The following CDH26 variants were observed in gnomAD, a reference collection of about 807,000 sequenced individuals.
The protein encoded by CDH26 is cadherin-like protein 26.
Under a neutral mutation model 90.3 loss-of-function variants are expected in CDH26, and 83 were observed. The observed-to-expected ratio is 0.92, with a 90% CI of 0.77 to 1.10. The LOEUF (loss-of-function observed/expected upper bound fraction) is 1.10, where lower values mean the gene tolerates loss of function less well. Among genes scored for constraint, CDH26 ranks in the 50% least tolerant of loss-of-function variants. The pLI is 0.00. For missense variants in CDH26, 1,013 were observed against 1,037.6 expected (o/e 0.98, Z 0.33); for synonymous variants, 397 against 396.3 (o/e 1.00, Z -0.02).
chr20:59,990,508 G>A (rs571138350), intron 9 of CDH26, among the ~76,000 whole-genome samples: 15 of 152,220 alleles, frequency 9.9e-5, no homozygotes, highest in Middle Eastern at 6.8e-3. Context: ...TCTCCTTACA[G>A]CAACACTTCT....
intron 3 of CDH26, 36 bp from the exon 4 acceptor site, chr20:59,971,926 C>G: frequency 6.4e-7 from 1 of 1,567,344 alleles, no homozygotes; most frequent in Non-Finnish European, 8.7e-7. Flanking sequence ...TATTCTCATC[C>G]TCCTTTTTTC....
At chr20:59,989,550 A>AAAAG (rs1216739700) in intron 9 of CDH26, among the ~76,000 whole-genome samples, 2 of 151,560 alleles carry the variant, frequency 1.3e-5, no homozygotes, top group African/African-American at 4.8e-5. Context: ...AAAAAAAAAA[A>AAAAG]AAAGAAAAGA....
At chr20:60,005,477 T>C (rs1430984892) in intron 16 of CDH26, among the ~76,000 whole-genome samples, 2 of 146,246 alleles carry the variant, frequency 1.4e-5, no homozygotes, top group African/African-American at 5.3e-5. Flanking sequence ...TGTGTATATA[T>C]CTGTATGTAT....
chr20:59,996,505 T>C (rs985717041), intron 12 of CDH26, 126 bp from the exon 13 acceptor site: 21 of 1,613,282 alleles, frequency 1.3e-5, no homozygotes, highest in Non-Finnish European at 1.8e-5. Context: ...GCTACACAGA[T>C]GACTAAGACG....
chr20:60,011,036 C>T (rs1022779098), intron 17 of CDH26, among the ~76,000 whole-genome samples: 15 of 152,168 alleles, frequency 9.9e-5, no homozygotes, highest in Non-Finnish European at 1.8e-4. Context: ...GTGATCTTGC[C>T]GGGTGACCAG....
chr20:59,996,466 G>C, intron 12 of CDH26, 165 bp from the exon 13 acceptor site: 1 of 1,606,928 alleles, frequency 6.2e-7, no homozygotes, highest in Non-Finnish European at 8.5e-7. Flanking sequence ...AGCATCTACT[G>C]GTACCCTGGA....
At chr20:59,966,231 T>TAAAAA (rs60088029) in intron 1 of CDH26, among the ~76,000 whole-genome samples, 2 of 76,250 alleles carry the variant, frequency 2.6e-5, no homozygotes, top group African/African-American at 6.3e-5. Flanking sequence ...GGTGTTGCAT[T>TAAAAA]AAAAAAAAAA....
chr20:59,982,819 A>G (rs1421431625), intron 4 of CDH26, 104 bp from the exon 5 acceptor site: 8 of 1,333,292 alleles, frequency 6.0e-6, no homozygotes, highest in Non-Finnish European at 8.4e-6. Context: ...CTCTCAGTCT[A>G]GAGGAGGAGA....
chr20:59,981,945 T>A (rs1157264170), intron 4 of CDH26, among the ~76,000 whole-genome samples: 2 of 152,112 alleles, frequency 1.3e-5, no homozygotes, highest in South Asian at 2.1e-4. Context: ...TTTAAAAAAA[T>A]ATATAGGACT....
intron 1 of CDH26, among the ~76,000 whole-genome samples, chr20:59,968,316 C>T (rs1353138889): frequency 2.0e-5 from 3 of 151,980 alleles, no homozygotes; most frequent in Admixed American, 6.6e-5. Flanking sequence ...TAGTTGCTCT[C>T]GAACTCCTGA....
At chr20:60,016,667 G>T (rs900165222), downstream of CDH26, among the ~76,000 whole-genome samples, 10 of 151,936 alleles carry the variant, frequency 6.6e-5, no homozygotes, top group African/African-American at 2.4e-4. Context: ...CAAGAAGAGA[G>T]AGTGGGCACC....
At chr20:60,004,203 T>A (rs2061712169) in intron 16 of CDH26, among the ~76,000 whole-genome samples, 1 of 152,202 alleles carries the variant, frequency 6.6e-6, no homozygotes, top group Non-Finnish European at 1.5e-5. Flanking sequence ...CAGCTTACCT[T>A]GGTATGATGT....
intron 16 of CDH26, 86 bp from the exon 17 acceptor site, chr20:60,006,627 T>G: frequency 1.1e-6 from 1 of 927,006 alleles, no homozygotes; most frequent in Non-Finnish European, 1.8e-6. Flanking sequence ...GTGTGCCCCA[T>G]CTATGCTGGG....
At chr20:60,035,695 G>A (rs1003160956), downstream of CDH26, among the ~76,000 whole-genome samples, 3 of 152,252 alleles carry the variant, frequency 2.0e-5, no homozygotes, top group East Asian at 5.8e-4. Context: ...TTGAGGGAGG[G>A]AGGTGATTGG....
At chr20:60,027,347 C>T (rs1241399402) in intron 7 of CDH26, among the ~76,000 whole-genome samples, 3 of 152,132 alleles carry the variant, frequency 2.0e-5, no homozygotes, top group Admixed American at 6.5e-5. Context: ...GTCATGCATA[C>T]CTATCATCTA....
chr20:59,976,561 C>A (rs1393899353), intron 4 of CDH26, among the ~76,000 whole-genome samples: 1 of 152,140 alleles, frequency 6.6e-6, no homozygotes, highest in Non-Finnish European at 1.5e-5. Flanking sequence ...GATTAAGGAG[C>A]AAAGAGTTGC....
At chr20:59,985,159 A>T (rs370675080) in intron 7 of CDH26, 30 bp downstream of exon 7, 7 of 1,611,484 alleles carry the variant, frequency 4.3e-6, no homozygotes, top group Non-Finnish European at 5.9e-6. Context: ...CCAACGTCTA[A>T]GCCCCAAAAC....
chr20:60,002,940 A>C (rs1455632177), intron 16 of CDH26, 74 bp downstream of exon 16: 1 of 1,177,794 alleles, frequency 8.5e-7, no homozygotes, highest in Non-Finnish European at 1.2e-6. Flanking sequence ...CAAATCCCTG[A>C]AAATTGGAAA....
intron 9 of CDH26, among the ~76,000 whole-genome samples, chr20:59,990,817 G>A (rs2145992302): frequency 6.6e-6 from 1 of 151,868 alleles, no homozygotes; most frequent in African/African-American, 2.4e-5. Context: ...GTCTCTGGGG[G>A]AACTTGTTAA....
Sources: gnomAD v4.1 joint callset for allele counts (sites outside exome capture counted in the v4.1 genomes callset) on GRCh38, gnomAD v4.1.1 for gene constraint, MANE v1.5 for transcripts, NCBI Gene and HGNC (gene_info 2026-07-23, HGNC 2026-07-21) for gene names.